The following FAT4 variants were observed in gnomAD, a reference collection of about 807,000 sequenced individuals.
FAT4 encodes FAT atypical cadherin 4, also known as protocadherin Fat 4.
In FAT4, 84 loss-of-function variants were observed where a neutral mutation model predicts 303.9. The observed-to-expected ratio is 0.28, with a 90% CI of 0.23 to 0.33. The LOEUF (loss-of-function observed/expected upper bound fraction) is 0.33, where lower values mean the gene tolerates loss of function less well. FAT4 is among the 10% of genes least tolerant of loss of function. The probability of loss-of-function intolerance (pLI) is 1.00; values close to 1 mark genes in which losing one functional copy is unlikely to be tolerated. For missense variants in FAT4, 6,005 were observed against 6,146.8 expected (o/e 0.98, Z 0.77); for synonymous variants, 2,307 against 2,298.8 (o/e 1.00, Z -0.10).
At chr4:125,332,849 T>C (rs761510653) in intron 2 of FAT4, among the ~76,000 whole-genome samples, 1 of 152,092 alleles carries the variant, frequency 6.6e-6, no homozygotes, top group African/African-American at 2.4e-5. Context: ...GATTAAAACG[T>C]TTTCCTGGAC....
intron 2 of FAT4, among the ~76,000 whole-genome samples, chr4:125,349,761 C>T (rs762733362): frequency 7.3e-5 from 11 of 151,392 alleles, no homozygotes; most frequent in Non-Finnish European, 1.2e-4. Context: ...GCTAGATTCC[C>T]GTTATATAAA....
intron 2 of FAT4, among the ~76,000 whole-genome samples, chr4:125,346,461 A>G (rs989296224): frequency 3.3e-5 from 5 of 151,994 alleles, no homozygotes; most frequent in African/African-American, 7.2e-5. Context: ...TTTCTTCCAC[A>G]TGATTAGACA....
Position 125,463,577 on chromosome 4 carries a change from T to C in FAT4, c.11815T>C (p.Ser3939Pro), listed in dbSNP as rs1374282497. The change falls in exon 11 of 18, where the codon TCT becomes CCT. Residue 3939 changes from serine (S) to proline (P), a missense_variant. By Grantham distance (74) the Ser-to-Pro change is moderately conservative. Coordinates refer to ENST00000394329, the MANE Select transcript of FAT4 (RefSeq NM_001291303.3). Reference sequence around the variant, plus strand: ...ATATATTTTAGGGAAAATGTGTGAATCTTCAGTCAATTACTGTGAATGCAA... The same window carrying C: ...ATATATTTTAGGGAAAATGTGTGAACCTTCAGTCAATTACTGTGAATGCAA... Reference protein sequence around the residue: ...KTGYTGKMCESSVNYCECNPC... With the variant: ...KTGYTGKMCEPSVNYCECNPC... 5 of 1,583,282 alleles carry C rather than the reference T, an allele frequency of 3.2e-6. No individual in the cohort carries two copies. In the African/African-American group the frequency reaches 5.4e-5, roughly 17 times the overall value.
At chr4:125,347,511 T>A (rs1363137303) in intron 2 of FAT4, among the ~76,000 whole-genome samples, 1 of 151,284 alleles carries the variant, frequency 6.6e-6, no homozygotes, top group Non-Finnish European at 1.5e-5. Flanking sequence ...ACTACCAACA[T>A]TTGTTTAAAA....
intron 15 of FAT4, among the ~76,000 whole-genome samples, chr4:125,481,027 A>C (rs1203407786): frequency 6.6e-6 from 1 of 152,090 alleles, no homozygotes; most frequent in East Asian, 1.9e-4. Context: ...CATGATGATA[A>C]ATTATATGTG....
At position 125,321,663 on chromosome 4, in the gene FAT4, A is replaced by C. The variant is rs1009682135; in HGVS notation, c.5175+77A>C. 5.1e-6 allele frequency: 7 copies of C among 1,360,568 alleles called. No individual in the cohort carries two copies. In the Admixed American group the frequency reaches 7.5e-5, roughly 15 times the overall value. 84.3% of individuals were successfully genotyped at this position (1,360,568 alleles called of 1,614,324 possible). ...CATTCTCTTTATATTTACTCTCTAT[A>C]ATTGTTTACCTTCATTGTTTATTGT... On this transcript the variant is annotated intron_variant, in intron 2 of 17. Transcript: ENST00000394329.
chr4:125,427,570 T>TA (rs1725126158), intron 7 of FAT4, among the ~76,000 whole-genome samples: 1 of 124 alleles, frequency 8.1e-3, no homozygotes, highest in Non-Finnish European at 0.018. Flanking sequence ...GTTTTATGTA[T>TA]TTTTTGTATT....
intron 7 of FAT4, among the ~76,000 whole-genome samples, chr4:125,432,418 C>T (rs904022893): frequency 5.9e-5 from 9 of 152,198 alleles, no homozygotes; most frequent in African/African-American, 2.2e-4. Context: ...CTTCTTAAAC[C>T]AGTGCATGCA....
chr4:125,380,776 G>T lies in FAT4; in HGVS notation c.5176-18008G>T, dbSNP rs146906123. On this transcript the variant is annotated intron_variant, in intron 2 of 17. Coordinates refer to ENST00000394329, the MANE Select transcript of FAT4 (RefSeq NM_001291303.3). ...TTATTAAATTTGACAAATTTGAAAT[G>T]CTTGCAATTCTGCACTAACAGGATT... Among the ~76,000 whole-genome samples the T allele has an allele frequency of 4.6e-3, 698 of 152,232 alleles. 5 individuals are homozygous for T. The highest frequency in any genetic ancestry group is 0.016 in the African/African-American group (653 of 41,552).
chr4:125,486,870 T>C lies in FAT4; in HGVS notation c.12823-475T>C, dbSNP rs141425866. On this transcript the variant is annotated intron_variant, in intron 16 of 17. Transcript: ENST00000394329. ...TAAAAGATGAGAGGTAAAACAATTATTTTCATCTTTATTTTTAAACTATGC... is the reference window on the plus strand; with the variant it reads ...TAAAAGATGAGAGGTAAAACAATTACTTTCATCTTTATTTTTAAACTATGC... Among the ~76,000 whole-genome samples the C allele has an allele frequency of 1.7e-3, 263 of 152,302 alleles. 1 individual carries two copies. The highest frequency in any genetic ancestry group is 5.8e-3 in the African/African-American group (241 of 41,572).
At chr4:125,391,387 A>T (rs1733971463) in intron 2 of FAT4, among the ~76,000 whole-genome samples, 1 of 152,192 alleles carries the variant, frequency 6.6e-6, no homozygotes, top group Non-Finnish European at 1.5e-5. Context: ...ATGAAGCTGG[A>T]AGCCGTCATC....
intron 2 of FAT4, among the ~76,000 whole-genome samples, chr4:125,371,447 C>T (rs1733110862): frequency 6.6e-6 from 1 of 151,676 alleles, no homozygotes; most frequent in African/African-American, 2.4e-5. Context: ...TGAAGGGTGG[C>T]CAGGGATTGA....
chr4:125,318,506 A>G lies in FAT4; in HGVS notation c.2095A>G (p.Lys699Glu). ...FYPVQYFAHI[K>E]ENEPGGSYIT... Reference sequence around the variant, plus strand: ...CCCGGTCCAATACTTTGCTCACATTAAGGAGAATGAGCCTGGAGGTAGCTA... The same window carrying G: ...CCCGGTCCAATACTTTGCTCACATTGAGGAGAATGAGCCTGGAGGTAGCTA... Residue 699 changes from lysine (K) to glutamate (E), a missense_variant, in exon 2 of 18, where the codon AAG becomes GAG. Transcript: ENST00000394329. 6.2e-7 allele frequency: 1 copy of G among 1,614,148 alleles called. No homozygotes were observed.
At chr4:125,361,992 C>T (rs373348650) in intron 2 of FAT4, among the ~76,000 whole-genome samples, 1 of 152,004 alleles carries the variant, frequency 6.6e-6, no homozygotes, top group African/African-American at 2.4e-5. Flanking sequence ...ATTATTTTCC[C>T]TACTAACCAT....
At chr4:125,483,636 TGAAAG>T (rs1727303430) in intron 16 of FAT4, among the ~76,000 whole-genome samples, 1 of 152,000 alleles carries the variant, frequency 6.6e-6, no homozygotes, top group South Asian at 2.1e-4. Flanking sequence ...ATTTTTTTCC[TGAAAG>T]GAAAGTAAGT....
chr4:125,481,466 T>G (rs1275155467), intron 15 of FAT4, 55 bp from the exon 16 acceptor site: 1 of 1,518,396 alleles, frequency 6.6e-7, no homozygotes, highest in East Asian at 2.3e-5. Context: ...TAGAAAACAC[T>G]CCAAGAAATG....
At chr4:125,394,595 T>G (rs1734096897) in intron 2 of FAT4, among the ~76,000 whole-genome samples, 1 of 152,178 alleles carries the variant, frequency 6.6e-6, no homozygotes, top group Non-Finnish European at 1.5e-5. Flanking sequence ...TTTTAAGAAT[T>G]ATAAAAATGT....
chr4:125,463,465 A>T (rs773054030), intron 10 of FAT4, 98 bp from the exon 11 acceptor site: 2 of 555,718 alleles, frequency 3.6e-6, no homozygotes, highest in Non-Finnish European at 6.0e-6. Context: ...TTTCTCCGTG[A>T]TATGCCTTAG....
chr4:125,437,575 C>T (rs935271895), intron 8 of FAT4, among the ~76,000 whole-genome samples: 2 of 152,048 alleles, frequency 1.3e-5, no homozygotes, highest in Admixed American at 6.6e-5. Flanking sequence ...GGTCATAACC[C>T]GTTTGAGTCA....
Sources: gnomAD v4.1 joint callset for allele counts (sites outside exome capture counted in the v4.1 genomes callset) on GRCh38, gnomAD v4.1.1 for gene constraint, MANE v1.5 for transcripts, NCBI Gene and HGNC (gene_info 2026-07-23, HGNC 2026-07-21) for gene names.